NRF1: variants seen among roughly 807,000 people sequenced by gnomAD.
NRF1 encodes the protein alpha palindromic-binding protein.
In NRF1, 5 loss-of-function variants were observed where a neutral mutation model predicts 58.5. That is an observed-to-expected ratio of 0.09 (90% CI 0.04 to 0.18). The LOEUF is 0.18. NRF1 is among the 10% of genes least tolerant of loss of function. The probability of loss-of-function intolerance (pLI) is 1.00; values close to 1 mark genes in which losing one functional copy is unlikely to be tolerated. For synonymous variants in NRF1, 224 were observed against 246.7 expected (o/e 0.91, Z 0.86); for missense variants, 288 against 657.7 (o/e 0.44, Z 6.15).
intron 10 of NRF1, among the ~76,000 whole-genome samples, chr7:129,746,643 A>G (rs940950108): frequency 6.6e-6 from 1 of 152,114 alleles, no homozygotes; most frequent in Non-Finnish European, 1.5e-5. Flanking sequence ...AAGCAATATA[A>G]TCCGGAATTT....
chr7:129,613,426 T>C (rs1800586835), intron 1 of NRF1, among the ~76,000 whole-genome samples: 1 of 152,196 alleles, frequency 6.6e-6, no homozygotes, highest in Non-Finnish European at 1.5e-5. Context: ...GTAATTTCCT[T>C]ATTTTATGAG....
intron 1 of NRF1, among the ~76,000 whole-genome samples, chr7:129,630,918 G>T (rs573000815): frequency 2.2e-4 from 33 of 152,090 alleles, no homozygotes; most frequent in African/African-American, 7.7e-4. Flanking sequence ...AAATTATTTT[G>T]TAGGCATTTC....
intron 1 of NRF1, among the ~76,000 whole-genome samples, chr7:129,614,883 T>C (rs1310810650): frequency 6.6e-6 from 1 of 152,234 alleles, no homozygotes; most frequent in Admixed American, 6.5e-5. Context: ...TTGCATTGCC[T>C]GCACACTGTA....
At chr7:129,737,267 T>C (rs1263096275) in intron 10 of NRF1, among the ~76,000 whole-genome samples, 2 of 152,162 alleles carry the variant, frequency 1.3e-5, no homozygotes, top group African/African-American at 2.4e-5. Context: ...CTGAAGAAAA[T>C]ACAAGGTGAC....
rs781231155 is a variant in NRF1, at chr7:129,657,327, C to T, written c.-6-19C>T. The T allele has an allele frequency of 6.4e-6, 10 of 1,551,330 alleles. No homozygotes were observed. The highest frequency in any genetic ancestry group is 1.7e-5 in the Admixed American group (1 of 59,674). ...TTACACACTGAATCCTGTTCTTTTT[C>T]TTTTTTGTCTGACAGTAGAACTTCA... is the stretch of plus-strand genomic sequence containing the variant. On this transcript the variant is annotated intron_variant, in intron 1 of 10. Coordinates refer to ENST00000393232, the MANE Select transcript of NRF1 (RefSeq NM_005011.5).
At chr7:129,624,693 A>AC (rs1383244957) in intron 1 of NRF1, among the ~76,000 whole-genome samples, 2 of 151,896 alleles carry the variant, frequency 1.3e-5, no homozygotes, top group Admixed American at 1.3e-4. Context: ...TATTATTATT[A>AC]TTTTTTGGAG....
intron 4 of NRF1, among the ~76,000 whole-genome samples, chr7:129,681,825 G>C (rs1802317449): frequency 1.7e-5 from 1 of 60,402 alleles, no homozygotes; most frequent in South Asian, 7.4e-4. Flanking sequence ...AGTGGCTCAT[G>C]CCTGTAATCC....
intron 10 of NRF1, among the ~76,000 whole-genome samples, chr7:129,753,700 T>C (rs958789298): frequency 6.8e-5 from 10 of 148,034 alleles, no homozygotes; most frequent in African/African-American, 2.5e-4. Context: ...TCTGAAATAA[T>C]AGTGATATTA....
chr7:129,746,874 A>G (rs1408933149), intron 10 of NRF1, among the ~76,000 whole-genome samples: 2 of 152,094 alleles, frequency 1.3e-5, no homozygotes, highest in Non-Finnish European at 2.9e-5. Flanking sequence ...AGCCATCAAT[A>G]TTTTTCTCCC....
rs138404512 is a variant in NRF1, at chr7:129,735,162, T to C, written c.1348+7797T>C. 208 of 985,440 alleles carry C rather than the reference T, an allele frequency of 2.1e-4. No homozygotes were observed. In the African/African-American group the frequency reaches 3.0e-3, roughly 14 times the overall value. 61.0% of individuals were successfully genotyped at this position (985,440 alleles called of 1,614,324 possible). On this transcript the variant is annotated intron_variant, in intron 10 of 10. Coordinates refer to ENST00000393232, the MANE Select transcript of NRF1 (RefSeq NM_005011.5). The stretch of plus-strand genomic sequence containing the variant: ...CTGAAGACTCAGAAACCACCTATGC[T>C]GCCCTGGTTAAGACTAGGGTCTCAA...
chr7:129,657,402 A>G lies in NRF1; in HGVS notation c.51A>G (p.Ala17=). 6.2e-7 allele frequency: 1 copy of G among 1,614,174 alleles called. No individual in the cohort carries two copies. The highest frequency in any genetic ancestry group is 1.3e-5 in the African/African-American group (1 of 75,024). ...TQTEHMATIE[A]HAVAQQVQQV... ...CCGAACATATGGCTACCATAGAAGCACATGCAGTGGCCCAGCAAGTGCAGC... is the reference window on the plus strand; with the variant it reads ...CCGAACATATGGCTACCATAGAAGCGCATGCAGTGGCCCAGCAAGTGCAGC... The change falls in exon 2 of 11, where the codon GCA becomes GCG. Residue 17 remains alanine, a synonymous_variant. Transcript: ENST00000393232.
At chr7:129,735,575 C>T (rs1181471736) in intron 10 of NRF1, among the ~76,000 whole-genome samples, 2 of 152,154 alleles carry the variant, frequency 1.3e-5, no homozygotes, top group African/African-American at 4.8e-5. Flanking sequence ...AAGCTGATGA[C>T]AAGGCATTGT....
chr7:129,682,237 T>C (rs1270120025), intron 4 of NRF1, among the ~76,000 whole-genome samples: 1 of 152,114 alleles, frequency 6.6e-6, no homozygotes, highest in Admixed American at 6.6e-5. Flanking sequence ...GGTGGGAGGA[T>C]TGGTTGAGGC....
intron 10 of NRF1, among the ~76,000 whole-genome samples, chr7:129,730,898 G>T (rs555368089): frequency 3.3e-5 from 5 of 151,714 alleles, no homozygotes; most frequent in Non-Finnish European, 7.4e-5. Context: ...GACTGCTAGA[G>T]CCCAGGAAGT....
chr7:129,682,938 AT>A (rs1197890102), intron 4 of NRF1, among the ~76,000 whole-genome samples: 1 of 150,578 alleles, frequency 6.6e-6, no homozygotes, highest in Non-Finnish European at 1.5e-5. Context: ...GCCTCAAATA[AT>A]TTTTTTTTTG....
At chr7:129,634,061 T>TACACACACAC (rs141834786) in intron 1 of NRF1, among the ~76,000 whole-genome samples, 1,343 of 131,402 alleles carry the variant, frequency 0.01, 11 homozygotes, top group East Asian at 0.02. Context: ...TATATATATA[T>TACACACACAC]ACACACACAC....
chr7:129,640,240 G>C (rs897710046), intron 1 of NRF1, among the ~76,000 whole-genome samples: 5 of 152,148 alleles, frequency 3.3e-5, no homozygotes, highest in African/African-American at 1.2e-4. Flanking sequence ...TTCACGGCTG[G>C]GTGCTGTGGT....
At chr7:129,620,232 G>T (rs1488492614) in intron 1 of NRF1, among the ~76,000 whole-genome samples, 2 of 152,054 alleles carry the variant, frequency 1.3e-5, no homozygotes, top group African/African-American at 4.8e-5. Flanking sequence ...CCAGAAGGAA[G>T]GTAGGAGGAA....
intron 1 of NRF1, among the ~76,000 whole-genome samples, chr7:129,640,117 A>G (rs1047914462): frequency 6.6e-6 from 1 of 152,158 alleles, no homozygotes; most frequent in East Asian, 1.9e-4. Context: ...TAAGGCAGTG[A>G]TGGTGGGGTT....
Sources: gnomAD v4.1 joint callset for allele counts (sites outside exome capture counted in the v4.1 genomes callset) on GRCh38, gnomAD v4.1.1 for gene constraint, MANE v1.5 for transcripts, NCBI Gene and HGNC (gene_info 2026-07-23, HGNC 2026-07-21) for gene names.